The following ZFR2 variants were observed in gnomAD, a reference collection of about 807,000 sequenced individuals.
ZFR2 encodes the protein zinc finger RNA binding protein 2, also known as zinc finger RNA-binding protein 2.
In ZFR2, 104 loss-of-function variants were observed where a neutral mutation model predicts 105.7. The observed-to-expected ratio is 0.98, with a 90% CI of 0.84 to 1.16. The LOEUF (loss-of-function observed/expected upper bound fraction) is 1.16, where lower values mean the gene tolerates loss of function less well. ZFR2 is among the 50% of genes most tolerant of loss of function. The pLI, the probability that ZFR2 is intolerant of heterozygous loss-of-function variation, is 0.00. For synonymous variants in ZFR2, 634 were observed against 597.7 expected (o/e 1.06, Z -0.89); for missense variants, 1,425 against 1,355.5 (o/e 1.05, Z -0.80).
intron 5 of ZFR2, 52 bp from the exon 6 acceptor site, chr19:3,827,705 T>C (rs1384424432): frequency 1.3e-6 from 2 of 1,544,462 alleles, no homozygotes; most frequent in East Asian, 4.9e-5. Flanking sequence ...CACTGGCCAC[T>C]GTCCCCTCCC....
intron 1 of ZFR2, among the ~76,000 whole-genome samples, chr19:3,860,730 A>G (rs2038363800): frequency 6.6e-6 from 1 of 152,126 alleles, no homozygotes; most frequent in Non-Finnish European, 1.5e-5. Flanking sequence ...TTCCAACAGC[A>G]TCGGCTCACT....
At chr19:3,843,190 G>T (rs933220396) in intron 1 of ZFR2, among the ~76,000 whole-genome samples, 1 of 152,252 alleles carries the variant, frequency 6.6e-6, no homozygotes, top group African/African-American at 2.4e-5. Flanking sequence ...GGATAAATGG[G>T]CTGGGCGCGG....
intron 10 of ZFR2, among the ~76,000 whole-genome samples, chr19:3,820,747 A>G (rs973143634): frequency 1.0e-5 from 1 of 95,632 alleles, no homozygotes; most frequent in African/African-American, 4.0e-5. Flanking sequence ...AGGGGTCAGG[A>G]GACACAGGAA....
At chr19:3,809,011 T>C (rs534448824) in intron 16 of ZFR2, 28 bp from the exon 17 acceptor site, 26 of 1,509,806 alleles carry the variant, frequency 1.7e-5, no homozygotes, top group Middle Eastern at 4.1e-4. Context: ...GCAGTTGCTG[T>C]GTTTTGGGCG....
intron 5 of ZFR2, 50 bp from the exon 6 acceptor site, chr19:3,827,703 AC>A: frequency 1.3e-6 from 2 of 1,547,832 alleles, no homozygotes; most frequent in Non-Finnish European, 1.7e-6. Flanking sequence ...CACACTGGCC[AC>A]TGTCCCCTCC....
At chr19:3,852,252 GC>G (rs776731220) in intron 1 of ZFR2, 5 of 577,252 alleles carry the variant, frequency 8.7e-6, no homozygotes, top group Non-Finnish European at 1.6e-5. Context: ...GGCTCTCCTG[GC>G]CAGATGGGGC....
At chr19:3,855,777 G>A (rs1456798815) in intron 1 of ZFR2, among the ~76,000 whole-genome samples, 4 of 152,160 alleles carry the variant, frequency 2.6e-5, no homozygotes, top group Non-Finnish European at 5.9e-5. Context: ...TGCATGGGAA[G>A]GGCCTGAGGG....
chr19:3,867,558 TTCTC>T (rs1375617474), intron 1 of ZFR2, among the ~76,000 whole-genome samples: 1 of 151,314 alleles, frequency 6.6e-6, no homozygotes, highest in Non-Finnish European at 1.5e-5. Context: ...CCAGGATCCT[TTCTC>T]TCCCTCCCCT....
intron 1 of ZFR2, among the ~76,000 whole-genome samples, chr19:3,845,016 A>AC (rs2038172712): frequency 1.9e-5 from 1 of 52,920 alleles, no homozygotes; most frequent in Admixed American, 2.6e-4. Flanking sequence ...AGACTTATTT[A>AC]TTCTCACAGT....
chr19:3,848,568 G>A (rs1277186600), intron 1 of ZFR2, among the ~76,000 whole-genome samples: 1 of 151,902 alleles, frequency 6.6e-6, no homozygotes, highest in Non-Finnish European at 1.5e-5. Context: ...AATTAGCCAG[G>A]CATGGTGGTG....
At chr19:3,819,862 T>A (rs56182436) in intron 11 of ZFR2, among the ~76,000 whole-genome samples, 54,706 of 142,772 alleles carry the variant, frequency 0.38, 11,242 homozygotes, top group East Asian at 0.45. Flanking sequence ...CAAAAAAAAA[T>A]AGTTCCCATC....
chr19:3,805,643 G>A lies in ZFR2; in HGVS notation c.*306C>T, dbSNP rs779828071. The A allele has an allele frequency of 2.7e-5, 8 of 299,306 alleles. No individual in the cohort carries two copies. Among genetic ancestry groups the A allele is most frequent in the African/African-American group, 4.4e-5 (2 of 45,770 alleles). 18.5% of individuals were successfully genotyped at this position (299,306 alleles called of 1,614,324 possible). ...TGGGATTACAGGCGTGAATCACCGCGCCTGGCCACCAACCATGCCAAGCTG... is the reference window on the plus strand; with the variant it reads ...TGGGATTACAGGCGTGAATCACCGCACCTGGCCACCAACCATGCCAAGCTG... On this transcript the variant is annotated 3_prime_UTR_variant, in exon 19 of 19. Coordinates refer to ENST00000262961, the MANE Select transcript of ZFR2 (RefSeq NM_015174.2).
At chr19:3,818,826 ACAGCACGGATCACCCGCTGCAAAC>A (rs1342849901) in intron 12 of ZFR2, among the ~76,000 whole-genome samples, 195 bp downstream of exon 12, 2 of 152,242 alleles carry the variant, frequency 1.3e-5, no homozygotes, top group African/African-American at 4.8e-5. Context: ...AGGCATTAGA[ACAGCACGGATCACCCGCTGCAAAC>A]CAGCCTCGTT....
Position 3,823,173 on chromosome 19 carries a change from G to A in ZFR2, c.1371+73C>T. ...TAAATCTCGCTGGGAGAAGCCGGGT[G>A]AGGTCTCGAAGCCTGATCCATGGGA... On this transcript the variant is annotated intron_variant, in intron 8 of 18. Transcript: ENST00000262961. This position sits in a 1 kb window ranked among gnomAD's most constrained non-coding sequence, Gnocchi z 5.4. The A allele has an allele frequency of 3.1e-6, 5 of 1,599,104 alleles. No homozygotes were observed. Among genetic ancestry groups the A allele is most frequent in the Non-Finnish European group, 4.3e-6 (5 of 1,170,526 alleles).
chr19:3,811,366 CCTT>C lies in ZFR2; in HGVS notation c.2243-3_2243-1del. 6.3e-7 allele frequency: 1 copy of C among 1,587,022 alleles called. No homozygotes were observed. On this transcript the variant is annotated splice_acceptor_variant and splice_polypyrimidine_tract_variant and intron_variant, in intron 14 of 18. Coordinates refer to ENST00000262961, the MANE Select transcript of ZFR2 (RefSeq NM_015174.2). LOFTEE classifies it high-confidence loss of function. Reference sequence around the variant, plus strand: ...TGCATCAGCCTGAGGCTCCTCCACACCTTCTAGAAGAAAAACCTCGAGGTGTGC... The same window carrying C: ...TGCATCAGCCTGAGGCTCCTCCACACCTAGAAGAAAAACCTCGAGGTGTGC...
intron 12 of ZFR2, among the ~76,000 whole-genome samples, chr19:3,818,396 G>T (rs565411626): frequency 3.9e-5 from 6 of 152,326 alleles, no homozygotes; most frequent in Admixed American, 3.3e-4. Context: ...GAGCCCGGGG[G>T]TCTGAGGGTC....
At chr19:3,866,579 A>T (rs1410728723) in intron 1 of ZFR2, among the ~76,000 whole-genome samples, 1 of 152,230 alleles carries the variant, frequency 6.6e-6, no homozygotes. Context: ...CTATTTGAAC[A>T]ACATAAACAT....
intron 1 of ZFR2, among the ~76,000 whole-genome samples, chr19:3,867,392 T>G (rs2038445573): frequency 6.6e-6 from 1 of 151,924 alleles, no homozygotes; most frequent in Non-Finnish European, 1.5e-5. Flanking sequence ...GGGCTGAAGA[T>G]AGCAGAGATG....
intron 1 of ZFR2, among the ~76,000 whole-genome samples, chr19:3,846,388 G>A (rs943947012): frequency 2.0e-5 from 3 of 152,186 alleles, no homozygotes; most frequent in South Asian, 4.1e-4. Flanking sequence ...TTGCCGACTC[G>A]AAAAGCCACA....
Sources: allele counts gnomAD v4.1 joint callset (sites outside exome capture counted in the v4.1 genomes callset), GRCh38; gene constraint gnomAD v4.1.1; non-coding constraint Gnocchi (gnomAD v3.1); transcripts MANE v1.5; gene names NCBI Gene and HGNC (gene_info 2026-07-23, HGNC 2026-07-21).